Variants in ADD1 observed in about 807,000 individuals in gnomAD.
ADD1 encodes the protein alpha-adducin.
In ADD1, 24 loss-of-function variants were observed where a neutral mutation model predicts 80.5. The observed-to-expected ratio is 0.30, with a 90% CI of 0.22 to 0.42. ADD1 has a LOEUF of 0.42. ADD1 is among the 10% of genes least tolerant of loss of function. The probability of loss-of-function intolerance (pLI) is 1.00; values close to 1 mark genes in which losing one functional copy is unlikely to be tolerated. For missense variants in ADD1, 948 were observed against 1,019.0 expected (o/e 0.93, Z 0.95); for synonymous variants, 373 against 393.8 (o/e 0.95, Z 0.63).
chr4:2,871,298 A>G (rs929014480), intron 1 of ADD1, among the ~76,000 whole-genome samples: 10 of 152,274 alleles, frequency 6.6e-5, no homozygotes, highest in African/African-American at 1.9e-4. Context: ...AACCAGGCAC[A>G]TGCCATCCAA....
chr4:2,854,841 T>C (rs1332419065), intron 1 of ADD1: 1 of 152,210 alleles, frequency 6.6e-6, no homozygotes, highest in Non-Finnish European at 1.5e-5. Context: ...CAGCAGAAAT[T>C]ATTCTCTCAT....
intron 6 of ADD1, among the ~76,000 whole-genome samples, chr4:2,895,170 A>C (rs1234236285): frequency 6.6e-6 from 1 of 152,098 alleles, no homozygotes; most frequent in Admixed American, 6.6e-5. Context: ...AGGTGGGAAG[A>C]TTTTGAGCCA....
Position 2,929,216 on chromosome 4 carries a change from G to A in ADD1, c.*693G>A, listed in dbSNP as rs1577780856. ...GTCTCTGGATTCCTGTCATAGGGAA[G>A]GTATATCAGGAGGGGAAGAGGCCTT... On this transcript the variant is annotated 3_prime_UTR_variant, in exon 16 of 16. Transcript: ENST00000683351. The A allele has an allele frequency of 6.6e-6, 1 of 152,328 alleles. No homozygotes were observed. The highest frequency in any genetic ancestry group is 1.9e-4 in the East Asian group (1 of 5,176). The allele number at this position is 152,328 out of a possible 1,614,324, so 9.4% of individuals were successfully genotyped here.
chr4:2,926,340 C>T lies in ADD1; in HGVS notation c.2047+228C>T, dbSNP rs1281097689. On this transcript the variant is annotated intron_variant, in intron 15 of 15. Transcript: ENST00000683351. This position sits in a 1 kb window ranked among gnomAD's most constrained non-coding sequence, Gnocchi z 5.0. The stretch of plus-strand genomic sequence containing the variant: ...AGGTAGGAAGGCCGGCCTCGGGGGT[C>T]GGAACCCACCATGGTTGCTGGTGTC... 5.7e-6 allele frequency: 4 copies of T among 703,466 alleles called. No individual in the cohort carries two copies. The highest frequency in any genetic ancestry group is 1.7e-5 in the African/African-American group (1 of 57,272). 43.6% of individuals were successfully genotyped at this position (703,466 alleles called of 1,614,324 possible). A position where few individuals can be genotyped will look rare whatever the true frequency, so the allele number is the denominator to read the frequency against.
chr4:2,919,711 TTTGA>T (rs777603633), intron 14 of ADD1, among the ~76,000 whole-genome samples: 6 of 152,116 alleles, frequency 3.9e-5, no homozygotes, highest in Non-Finnish European at 5.9e-5. Flanking sequence ...ATTGTGTCTA[TTTGA>T]TTCTTCTCTC....
intron 4 of ADD1, among the ~76,000 whole-genome samples, chr4:2,886,834 T>G (rs1173760618): frequency 6.6e-6 from 1 of 152,232 alleles, no homozygotes; most frequent in Non-Finnish European, 1.5e-5. Context: ...TGTCATCTAA[T>G]TATACTTGAC....
At position 2,843,882 on chromosome 4, in the gene ADD1, A is replaced by AGCGGAGGG. The variant is rs1282779168; in HGVS notation, c.-160_-153dup. The AGCGGAGGG allele has an allele frequency of 5.9e-5, 9 of 151,462 alleles. No homozygotes were observed. The highest frequency in any genetic ancestry group is 2.0e-4 in the African/African-American group (8 of 41,014). 9.4% of individuals were successfully genotyped at this position (151,462 alleles called of 1,614,324 possible). On this transcript the variant is annotated 5_prime_UTR_variant, in exon 1 of 16. Transcript: ENST00000683351. ...GCACCCAGGTCGGGCGGTGGGGGCG[A>AGCGGAGGG]GCGGAGGGGCTGAGGGGCGGAGAGG...
At chr4:2,845,087 T>A (rs1229888148) in intron 1 of ADD1, among the ~76,000 whole-genome samples, 1 of 152,032 alleles carries the variant, frequency 6.6e-6, no homozygotes, top group Non-Finnish European at 1.5e-5. Flanking sequence ...ATACCTTTTT[T>A]TTTTGAGACG....
At chr4:2,857,101 A>G (rs916528133) in intron 1 of ADD1, among the ~76,000 whole-genome samples, 19 of 151,208 alleles carry the variant, frequency 1.3e-4, no homozygotes, top group African/African-American at 3.7e-4. Context: ...TTTAGTAGAG[A>G]CAGGGTTTCA....
In ADD1 at chr4:2,904,887, A is replaced by G. The variant is rs1219026022; in HGVS notation, c.1285A>G (p.Thr429Ala). The G allele has an allele frequency of 1.2e-6, 2 of 1,614,100 alleles. No homozygotes were observed. The highest frequency in any genetic ancestry group is 1.7e-6 in the Non-Finnish European group (2 of 1,180,046). The change falls in exon 10 of 16, where the codon ACT (threonine) becomes GCT (alanine). Residue 429 changes from threonine (T) to alanine (A), a missense_variant. Physicochemically the swap from Thr to Ala is moderately conservative, Grantham distance 58. Transcript: ENST00000683351. ...YSFASDGDSG[T>A]CSPLRHSFQK... ...CTTTGCTAGTGACGGTGATTCGGGC[A>G]CTTGCTCCCCACTCAGACACAGTTT...
At chr4:2,880,936 G>A (rs1201757564) in intron 2 of ADD1, among the ~76,000 whole-genome samples, 2 of 152,012 alleles carry the variant, frequency 1.3e-5, no homozygotes, top group East Asian at 1.9e-4. Flanking sequence ...AGGATGGATG[G>A]TTAGGGTTTT....
chr4:2,873,589 T>C (rs953240006), intron 1 of ADD1, among the ~76,000 whole-genome samples: 1 of 152,236 alleles, frequency 6.6e-6, no homozygotes, highest in African/African-American at 2.4e-5. Flanking sequence ...TTTACAAAGA[T>C]TCCTGTCTTT....
chr4:2,854,178 GC>G (rs978693356), intron 1 of ADD1, among the ~76,000 whole-genome samples: 1 of 152,036 alleles, frequency 6.6e-6, no homozygotes, highest in Non-Finnish European at 1.5e-5. Context: ...AACAAAATTA[GC>G]CCAGTGTGGT....
At position 2,898,220 on chromosome 4, in the gene ADD1, C is replaced by G. The variant is rs1262007178; in HGVS notation, c.778C>G (p.Pro260Ala). The change falls in exon 7 of 16, where the codon CCG becomes GCG. Residue 260 changes from proline (P) to alanine (A), a missense_variant. Pro to Ala is a conservative substitution (Grantham distance 27, BLOSUM62 -1). Coordinates refer to ENST00000683351, the MANE Select transcript of ADD1 (RefSeq NM_001354761.2). ...GAAATGTGGCCTCTTGCCAATCTCCCCGGAGGCGCTTTCCCTTGGAGAAGT... is the reference window on the plus strand; with the variant it reads ...GAAATGTGGCCTCTTGCCAATCTCCGCGGAGGCGCTTTCCCTTGGAGAAGT... ...AMKCGLLPISPEALSLGEVAY... is the reference protein window; with the variant it reads ...AMKCGLLPISAEALSLGEVAY... 1 of 1,613,928 alleles carries G rather than the reference C, an allele frequency of 6.2e-7. No individual in the cohort carries two copies. Among genetic ancestry groups the G allele is most frequent in the Non-Finnish European group, 8.5e-7 (1 of 1,179,952 alleles).
intron 15 of ADD1, 119 bp from the exon 16 acceptor site, chr4:2,928,052 G>C (rs1712190871): frequency 9.1e-6 from 8 of 875,660 alleles, no homozygotes; most frequent in South Asian, 3.2e-5. Flanking sequence ...TTCTTGTCTT[G>C]GTAAAAATCT....
At chr4:2,879,484 T>A (rs1359177902) in intron 2 of ADD1, among the ~76,000 whole-genome samples, 1 of 152,220 alleles carries the variant, frequency 6.6e-6, no homozygotes, top group African/African-American at 2.4e-5. Context: ...GTATGTGGAT[T>A]TGAAAACCAT....
chr4:2,854,644 A>G (rs1319786325), intron 1 of ADD1, among the ~76,000 whole-genome samples: 2 of 152,124 alleles, frequency 1.3e-5, no homozygotes, highest in Non-Finnish European at 2.9e-5. Flanking sequence ...TTCCGAATAA[A>G]TGCTTTTATT....
intron 1 of ADD1, among the ~76,000 whole-genome samples, chr4:2,872,776 C>T (rs974646093): frequency 6.6e-6 from 1 of 152,070 alleles, no homozygotes; most frequent in African/African-American, 2.4e-5. Flanking sequence ...AGCTAGACAG[C>T]TTGGAACTCC....
At chr4:2,854,633 A>T (rs1276412063) in intron 1 of ADD1, among the ~76,000 whole-genome samples, 10 of 152,066 alleles carry the variant, frequency 6.6e-5, no homozygotes, top group Admixed American at 5.2e-4. Context: ...GGCCTTTTCC[A>T]TTCCGAATAA....
Sources: allele counts gnomAD v4.1 joint callset (sites outside exome capture counted in the v4.1 genomes callset), GRCh38; gene constraint gnomAD v4.1.1; non-coding constraint Gnocchi (gnomAD v3.1); transcripts MANE v1.5; gene names NCBI Gene and HGNC (gene_info 2026-07-23, HGNC 2026-07-21).